KIF1A: variants seen among roughly 807,000 people sequenced by gnomAD.
The protein encoded by KIF1A is kinesin family member 1A.
KIF1A carries 46 observed loss-of-function variants against 227.3 expected under a neutral mutation model. The ratio of observed to expected loss-of-function variants is 0.20; its 90% CI spans 0.16 to 0.26. KIF1A has a LOEUF of 0.26. KIF1A is among the 10% of genes least tolerant of loss of function. KIF1A has a pLI of 1.00. For missense variants in KIF1A, 1,683 were observed against 2,485.9 expected (o/e 0.68, Z 6.87); for synonymous variants, 1,022 against 1,012.8 (o/e 1.01, Z -0.17).
upstream of KIF1A, among the ~76,000 whole-genome samples, chr2:240,821,298 C>G (rs1274689219): frequency 1.3e-5 from 2 of 152,218 alleles, no homozygotes. Flanking sequence ...GCGGCCTCGC[C>G]GTTAACCATT....
chr2:240,731,685 C>T (rs1315819604), intron 38 of KIF1A, among the ~76,000 whole-genome samples: 3 of 152,174 alleles, frequency 2.0e-5, no homozygotes, highest in African/African-American at 4.8e-5. Flanking sequence ...CTTTTGTGCC[C>T]CCAGCTCAGG....
intron 12 of KIF1A, 127 bp downstream of exon 12, chr2:240,774,056 G>C (rs2052395903): frequency 3.8e-6 from 2 of 523,434 alleles, no homozygotes; most frequent in Non-Finnish European, 6.8e-6. Context: ...CAGCCTCACA[G>C]AGTCCAGGGT....
chr2:240,812,656 A>G (rs1356169241), intron 1 of KIF1A, among the ~76,000 whole-genome samples: 2 of 144,234 alleles, frequency 1.4e-5, no homozygotes, highest in African/African-American at 5.3e-5. Context: ...TCACCTCAAG[A>G]TCCACCTTCA....
At position 240,740,424 on chromosome 2, in the gene KIF1A, C is replaced by T. The variant is rs2047824272; in HGVS notation, c.3750-60G>A. 1 of 1,414,730 alleles carries T rather than the reference C, an allele frequency of 7.1e-7. No individual in the cohort carries two copies. The highest frequency in any genetic ancestry group is 1.0e-6 in the Non-Finnish European group (1 of 1,001,434). The allele number at this position is 1,414,730 out of a possible 1,614,324, so 87.6% of individuals were successfully genotyped here. A position where few individuals can be genotyped will look rare whatever the true frequency, so the allele number is the denominator to read the frequency against. ...CCCCTCCTCTCTGCCCTCCCCGCAG[C>T]ACAGGACACAGTGGACGGGAGCAAA... On this transcript the variant is annotated intron_variant, in intron 35 of 48. Transcript: ENST00000498729. This position sits in a 1 kb window ranked among gnomAD's most constrained non-coding sequence, Gnocchi z 6.1.
At chr2:240,744,273 C>G (rs910259046) in intron 32 of KIF1A, among the ~76,000 whole-genome samples, 2 of 152,160 alleles carry the variant, frequency 1.3e-5, no homozygotes, top group Admixed American at 1.3e-4. Flanking sequence ...GTGTGTCCCT[C>G]GGGCTCTCTC....
chr2:240,797,371 G>A (rs1249701342), intron 2 of KIF1A, among the ~76,000 whole-genome samples: 2 of 152,152 alleles, frequency 1.3e-5, no homozygotes, highest in Admixed American at 1.3e-4. Flanking sequence ...GGCAGGAAAG[G>A]TCCTCCCTAG....
chr2:240,809,122 A>T (rs2057666727), intron 1 of KIF1A, among the ~76,000 whole-genome samples: 1 of 152,262 alleles, frequency 6.6e-6, no homozygotes, highest in East Asian at 1.9e-4. Context: ...ATTGGTGGAA[A>T]ATAAATCTCA....
chr2:240,756,843 C>T (rs1242129092), intron 27 of KIF1A, among the ~76,000 whole-genome samples: 1 of 152,222 alleles, frequency 6.6e-6, no homozygotes, highest in Non-Finnish European at 1.5e-5. Context: ...GAGGCTGCCT[C>T]CGCTAGGACA....
Position 240,802,131 on chromosome 2 carries a change from G to A in KIF1A, c.-60-4319C>T, listed in dbSNP as rs921439301. Among the ~76,000 whole-genome samples, 4 of 148,810 alleles carry A rather than the reference G, an allele frequency of 2.7e-5. No individual in the cohort carries two copies. In the East Asian group the frequency reaches 7.8e-4, roughly 29 times the overall value. Reference sequence around the variant, plus strand: ...AAAAAAAAGCATGTAACCTTTAAAGGAGCAAAAATAAGATTGACAACTGAC... The same window carrying A: ...AAAAAAAAGCATGTAACCTTTAAAGAAGCAAAAATAAGATTGACAACTGAC... On this transcript the variant is annotated intron_variant, in intron 1 of 48. Coordinates refer to ENST00000498729, the MANE Select transcript of KIF1A (RefSeq NM_001244008.2).
rs201846946 is a variant in KIF1A at position 240,747,246 on chromosome 2, T to C, written c.3053A>G (p.His1018Arg). ...GTAKISFDDQ[H>R]FEKFQSESCP... ...GAGGGAGCTTGGTACCTTTTCAAAA[T>C]GCTGGTCATCAAAGGAGATTTTAGC... Residue 1018 changes from histidine to arginine, a missense_variant, in exon 29 of 49, where the codon CAT becomes CGT. His to Arg is a conservative substitution (Grantham distance 29). Around this residue, in one of 12 missense-constraint regions of KIF1A, gnomAD observed 759 missense variants for 1,020.2 expected, o/e 0.74. Transcript: ENST00000498729. 2 of 1,613,180 alleles carry C rather than the reference T, an allele frequency of 1.2e-6. No individual in the cohort carries two copies. The highest frequency in any genetic ancestry group is 1.3e-5 in the African/African-American group (1 of 74,892).
At chr2:240,759,040 G>A (rs758683830) in intron 25 of KIF1A, among the ~76,000 whole-genome samples, 2 of 152,134 alleles carry the variant, frequency 1.3e-5, no homozygotes, top group African/African-American at 2.4e-5. Flanking sequence ...GTGGCTGTCC[G>A]TCCTTCCAAG....
intron 10 of KIF1A, chr2:240,782,156 C>T (rs1249691166): frequency 7.1e-6 from 7 of 985,266 alleles, no homozygotes; most frequent in South Asian, 4.7e-5. Context: ...GCGGCACCTC[C>T]GACTCCACAC....
intron 44 of KIF1A, 72 bp downstream of exon 44, chr2:240,721,735 T>C (rs2045413708): frequency 7.9e-7 from 1 of 1,263,082 alleles, no homozygotes; most frequent in Non-Finnish European, 1.1e-6. Context: ...GAATGGGAGT[T>C]TTCCTCAGGG....
At chr2:240,786,738 T>TGAGGG (rs1559529832) in intron 5 of KIF1A, among the ~76,000 whole-genome samples, 2 of 23,994 alleles carry the variant, frequency 8.3e-5, no homozygotes, top group African/African-American at 3.0e-4. Flanking sequence ...GGGGGCTGCC[T>TGAGGG]GCTGGGCCCC....
chr2:240,755,599 C>T lies in KIF1A; in HGVS notation c.2858+1720G>A, dbSNP rs774513611. ...CAAACCAAAAAGATCAAGATGATTCCCAATGAAGCCCTTCACAGACCACCC... is the reference window on the plus strand; with the variant it reads ...CAAACCAAAAAGATCAAGATGATTCTCAATGAAGCCCTTCACAGACCACCC... On this transcript the variant is annotated intron_variant, in intron 27 of 48. Transcript: ENST00000498729. Among the ~76,000 whole-genome samples the T allele has an allele frequency of 3.3e-5, 5 of 152,228 alleles. No homozygotes were observed. In the East Asian group the frequency reaches 5.8e-4, roughly 18 times the overall value.
intron 17 of KIF1A, 51 bp downstream of exon 17, chr2:240,769,082 C>T (rs2051588154): frequency 2.7e-6 from 4 of 1,485,412 alleles, no homozygotes; most frequent in Admixed American, 1.9e-5. Context: ...CAGCACCTCA[C>T]CTGGTCCTGT....
At chr2:240,782,567 C>CG in intron 10 of KIF1A, 23 bp downstream of exon 10, 1 of 1,551,402 alleles carries the variant, frequency 6.4e-7, no homozygotes. Context: ...GCACCTGCCC[C>CG]GGGGCTGAAG....
At chr2:240,755,399 G>A (rs898910948) in intron 27 of KIF1A, among the ~76,000 whole-genome samples, 5 of 152,220 alleles carry the variant, frequency 3.3e-5, no homozygotes, top group African/African-American at 1.2e-4. Flanking sequence ...GAGGTGCAAA[G>A]ACGCATGCTG....
At chr2:240,817,400 G>T (rs1033711383) in intron 1 of KIF1A, among the ~76,000 whole-genome samples, 2 of 152,162 alleles carry the variant, frequency 1.3e-5, no homozygotes, top group African/African-American at 4.8e-5. Context: ...CACTGAATGT[G>T]GCAATGACCT....
Sources: allele counts gnomAD v4.1 joint callset (sites outside exome capture counted in the v4.1 genomes callset), GRCh38; gene constraint gnomAD v4.1.1; regional missense constraint gnomAD v4.1.1; non-coding constraint Gnocchi (gnomAD v3.1); transcripts MANE v1.5; gene names NCBI Gene and HGNC (gene_info 2026-07-23, HGNC 2026-07-21).